The following SREK1 variants were observed in gnomAD, a reference collection of about 807,000 sequenced individuals.
The protein encoded by SREK1 is splicing regulatory glutamic acid and lysine rich protein 1.
A neutral mutation model predicts 66.5 loss-of-function variants in SREK1; 13 were observed. The ratio of observed to expected loss-of-function variants is 0.20; its 90% CI spans 0.13 to 0.31. The LOEUF is 0.31. Among genes scored for constraint, SREK1 ranks in the 10% least tolerant of loss-of-function variants. The probability of loss-of-function intolerance (pLI) is 1.00; values close to 1 mark genes in which losing one functional copy is unlikely to be tolerated. For missense variants in SREK1, 607 were observed against 769.6 expected, an observed-to-expected ratio of 0.79 and a Z score of 2.50; for synonymous variants, 265 against 263.5, an observed-to-expected ratio of 1.01 and a Z score of -0.05.
At chr5:66,164,524 A>C in intron 6 of SREK1, 4 of 1,311,298 alleles carry the variant, frequency 3.1e-6, no homozygotes, top group Non-Finnish European at 4.1e-6. Flanking sequence ...GGAATTACAG[A>C]CATGTTGTAA....
At chr5:66,167,857 G>C (rs1443856590) in intron 7 of SREK1, 1 of 152,160 alleles carries the variant, frequency 6.6e-6, no homozygotes, top group Non-Finnish European at 1.5e-5. Flanking sequence ...CTTATAGTAA[G>C]ACTTTTTATT....
At chr5:66,156,296 C>T (rs1305088646) in intron 2 of SREK1, 1 of 1,310,044 alleles carries the variant, frequency 7.6e-7, no homozygotes, top group African/African-American at 1.5e-5. Flanking sequence ...TTTGTTAAAT[C>T]TCTTTCACTT....
At chr5:66,164,565 G>A (rs1011282269) in intron 6 of SREK1, 7 of 1,485,576 alleles carry the variant, frequency 4.7e-6, no homozygotes, top group Admixed American at 2.0e-5. Flanking sequence ...AAAATATTAC[G>A]AACAGCTGTT....
intron 1 of SREK1, among the ~76,000 whole-genome samples, chr5:66,151,038 A>G (rs937332496): frequency 3.9e-5 from 6 of 152,090 alleles, no homozygotes; most frequent in African/African-American, 1.4e-4. Context: ...ATGGGGTTTC[A>G]TCATGTTGGC....
chr5:66,165,861 C>T (rs1366497004), intron 7 of SREK1: 1 of 152,060 alleles, frequency 6.6e-6, no homozygotes. Context: ...TACCAGCAGG[C>T]TCAGTTTACT....
chr5:66,167,345 A>G (rs922585442), intron 7 of SREK1: 1 of 152,238 alleles, frequency 6.6e-6, no homozygotes, highest in South Asian at 2.1e-4. Context: ...ATTTTAAGTA[A>G]CCTTTATAGA....
At chr5:66,177,482 A>G (rs1198533679) in intron 10 of SREK1, 32 bp from the exon 11 acceptor site, 7 of 1,498,606 alleles carry the variant, frequency 4.7e-6, no homozygotes, top group Middle Eastern at 3.5e-4. Context: ...ACAATTTCTT[A>G]GAATTTAACT....
chr5:66,153,709 A>G, intron 2 of SREK1, 113 bp downstream of exon 2: 1 of 1,388,476 alleles, frequency 7.2e-7, no homozygotes, highest in African/African-American at 1.5e-5. Flanking sequence ...GTGTGAAAGT[A>G]AGAATGAAAT....
At chr5:66,149,241 T>C (rs1386171410) in intron 1 of SREK1, among the ~76,000 whole-genome samples, 1 of 151,888 alleles carries the variant, frequency 6.6e-6, no homozygotes, top group Non-Finnish European at 1.5e-5. Flanking sequence ...TTATCCCAGC[T>C]ACTTGGGAGG....
intron 7 of SREK1, chr5:66,166,422 A>G (rs546561820): frequency 6.6e-5 from 10 of 152,192 alleles, no homozygotes; most frequent in Non-Finnish European, 1.2e-4. Flanking sequence ...ATGTCTATAC[A>G]GATGTACACA....
chr5:66,146,146 A>G (rs748935894), intron 1 of SREK1, among the ~76,000 whole-genome samples: 7 of 152,176 alleles, frequency 4.6e-5, no homozygotes, highest in Non-Finnish European at 7.3e-5. Flanking sequence ...AGCCATCTCA[A>G]TTTAAGTTCT....
chr5:66,150,598 G>A lies in SREK1; in HGVS notation c.162-2865G>A, dbSNP rs117274144. On this transcript the variant is annotated intron_variant, in intron 1 of 11. Transcript: ENST00000334121. ...GCTTTGGTGGAAGACCATTAATAAG[G>A]ATTTGAGGTTGGGTGCTGTGTGATT... Among the ~76,000 whole-genome samples the A allele has an allele frequency of 1.4e-4, 22 of 152,290 alleles. No individual in the cohort carries two copies. The East Asian group carries it at 4.3e-3, about 29-fold the overall frequency.
rs72770238 is a variant in SREK1, at chr5:66,179,462, C to G, written c.*594C>G. ...ACAATTTTTCTTTAAAATAGTTTTG[C>G]AGATTAAAATTGCTTAAATAAGTGG... On this transcript the variant is annotated 3_prime_UTR_variant, in exon 12 of 12. Transcript: ENST00000334121. 3.9e-5 allele frequency: 6 copies of G among 152,352 alleles called. No individual in the cohort carries two copies. The highest frequency in any genetic ancestry group is 1.5e-4 in the African/African-American group (6 of 41,372). The allele number at this position is 152,352 out of a possible 1,614,324, so 9.4% of individuals were successfully genotyped here.
At chr5:66,162,911 A>G (rs1328564487) in intron 5 of SREK1, 2 of 179,984 alleles carry the variant, frequency 1.1e-5, no homozygotes, top group Non-Finnish European at 2.3e-5. Context: ...ATGACACTAG[A>G]CTAATTGAGC....
chr5:66,177,227 T>C (rs898044169), intron 10 of SREK1: 1 of 218,020 alleles, frequency 4.6e-6, no homozygotes, highest in African/African-American at 2.3e-5. Context: ...AAACAAATAT[T>C]GAATATTCGA....
intron 1 of SREK1, chr5:66,144,796 G>A: frequency 8.3e-7 from 1 of 1,197,968 alleles, no homozygotes. Flanking sequence ...CGGGACTTGT[G>A]TTCGCTGCTG....
At chr5:66,164,302 C>T (rs143641625) in intron 6 of SREK1, 3 of 262,994 alleles carry the variant, frequency 1.1e-5, no homozygotes, top group South Asian at 4.1e-5. Flanking sequence ...GAAGAGAGCC[C>T]GTGATTTAGA....
intron 8 of SREK1, 138 bp from the exon 9 acceptor site, chr5:66,170,447 A>G (rs1287239123): frequency 1.7e-6 from 2 of 1,205,730 alleles, no homozygotes; most frequent in Non-Finnish European, 2.3e-6. Context: ...TGTACACCTG[A>G]GCTATATAAA....
chr5:66,172,694 C>A (rs1745738325), intron 9 of SREK1, among the ~76,000 whole-genome samples: 2 of 152,068 alleles, frequency 1.3e-5, no homozygotes. Flanking sequence ...CTGCACCTGG[C>A]TCAAATACAT....
Sources: gnomAD v4.1 joint callset for allele counts (sites outside exome capture counted in the v4.1 genomes callset) on GRCh38, gnomAD v4.1.1 for gene constraint, MANE v1.5 for transcripts, NCBI Gene and HGNC (gene_info 2026-07-23, HGNC 2026-07-21) for gene names.